Variants in NMNAT1 observed in about 807,000 individuals in gnomAD.
The protein encoded by NMNAT1 is nicotinamide nucleotide adenylyltransferase 1.
NMNAT1 carries 11 observed loss-of-function variants against 16.7 expected under a neutral mutation model. The ratio of observed to expected loss-of-function variants is 0.66; its 90% CI spans 0.41 to 1.09. The LOEUF is 1.09. Among genes scored for constraint, NMNAT1 ranks in the 50% least tolerant of loss-of-function variants. NMNAT1 has a pLI of 0.00. For synonymous variants in NMNAT1, 110 were observed against 119.8 expected, an observed-to-expected ratio of 0.92 and a Z score of 0.53; for missense variants, 280 against 332.3, an observed-to-expected ratio of 0.84 and a Z score of 1.22.
rs1641969530 is a variant in NMNAT1 at position 9,982,454 on chromosome 1, A to G, written c.593A>G (p.Tyr198Cys). The G allele has an allele frequency of 6.2e-7, 1 of 1,614,180 alleles. No homozygotes were observed. Among genetic ancestry groups the G allele is most frequent in the African/African-American group, 1.3e-5 (1 of 75,066 alleles). The change falls in exon 5 of 5, where the codon TAT (tyrosine) becomes TGT (cysteine). Residue 198 changes from tyrosine to cysteine, a missense_variant. Transcript: ENST00000377205. Reference protein sequence around the residue: ...RAGNDAQKFIYESDVLWKHRS... With the variant: ...RAGNDAQKFICESDVLWKHRS... ...GGAAATGATGCTCAGAAGTTTATCTATGAATCGGATGTGCTGTGGAAACAC... is the reference window on the plus strand; with the variant it reads ...GGAAATGATGCTCAGAAGTTTATCTGTGAATCGGATGTGCTGTGGAAACAC...
intron 2 of NMNAT1, 62 bp downstream of exon 2, chr1:9,972,250 C>A: frequency 1.2e-6 from 1 of 822,498 alleles, no homozygotes; most frequent in Non-Finnish European, 2.1e-6. Context: ...GTGGCTCACA[C>A]CTGCAATCCC....
At chr1:9,990,829 C>A in the NMNAT1 span, among the ~76,000 whole-genome samples, 1 of 152,116 alleles carries the variant, frequency 6.6e-6, no homozygotes, top group African/African-American at 2.4e-5. Flanking sequence ...TTTACTTTGC[C>A]AGCACCAAAC....
At chr1:9,965,165 A>AAAAT (rs1195889345) in intron 1 of NMNAT1, among the ~76,000 whole-genome samples, 1 of 150,082 alleles carries the variant, frequency 6.7e-6, no homozygotes, top group African/African-American at 2.4e-5. Context: ...AAAAATACAA[A>AAAAT]AATTAGCTGG....
intron 3 of NMNAT1, among the ~76,000 whole-genome samples, chr1:9,980,493 C>T (rs964024288): frequency 4.0e-5 from 6 of 150,676 alleles, no homozygotes; most frequent in African/African-American, 1.2e-4. Context: ...CGTGGTGGTG[C>T]GCCCCTGTAA....
At position 9,958,753 on chromosome 1, in the gene NMNAT1, T is replaced by C. The variant is rs571698338; in HGVS notation, c.-56-13265T>C. Among the ~76,000 whole-genome samples the C allele has an allele frequency of 2.3e-4, 35 of 152,228 alleles. 1 individual carries two copies. The highest frequency in any genetic ancestry group is 1.1e-3 in the Admixed American group (17 of 15,248). ...GCTCCCAGCCTGTTGATACTGATCT[T>C]TAGGGAATCTTTAGAACCTTGGTTC... On this transcript the variant is annotated intron_variant, in intron 1 of 4. Transcript: ENST00000377205.
intron 1 of NMNAT1, among the ~76,000 whole-genome samples, chr1:9,948,416 A>C (rs1349982916): frequency 6.6e-6 from 1 of 152,076 alleles, no homozygotes; most frequent in Non-Finnish European, 1.5e-5. Context: ...CTCTACAAAA[A>C]AATACAAAAG....
chr1:9,985,360 G>A lies in NMNAT1; in HGVS notation c.*2659G>A, dbSNP rs1349529524. On this transcript the variant is annotated 3_prime_UTR_variant, in exon 5 of 5. Coordinates refer to ENST00000377205, the MANE Select transcript of NMNAT1 (RefSeq NM_022787.4). ...CTGGTATAAATGGTGAGCTGAGCTT[G>A]AATCTAAGCTTTGTCTTCAGAGCCA... 2 of 152,178 alleles carry A rather than the reference G, an allele frequency of 1.3e-5. No homozygotes were observed. The highest frequency in any genetic ancestry group is 6.6e-5 in the Admixed American group (1 of 15,262). 9.4% of individuals were successfully genotyped at this position (152,178 alleles called of 1,614,324 possible). A position where few individuals can be genotyped will look rare whatever the true frequency, so the allele number is the denominator to read the frequency against.
intron 1 of NMNAT1, among the ~76,000 whole-genome samples, chr1:9,962,677 G>GTTT (rs34747915): frequency 0.015 from 1,142 of 74,156 alleles, 34 homozygotes; most frequent in Non-Finnish European, 0.018. Flanking sequence ...CCAAATAAGG[G>GTTT]TTTTTTTTTT....
intron 1 of NMNAT1, among the ~76,000 whole-genome samples, chr1:9,956,972 C>T (rs2101656378): frequency 6.6e-6 from 1 of 151,872 alleles, no homozygotes; most frequent in Non-Finnish European, 1.5e-5. Context: ...TCTTGTGATC[C>T]ACCCGCCTCG....
At position 9,953,797 on chromosome 1, in the gene NMNAT1, C is replaced by CTT. The variant is rs34585788; in HGVS notation, c.-57+10307_-57+10308dup. 4.5e-4 allele frequency among the ~76,000 whole-genome samples: 27 copies of CTT among 60,192 alleles called. 1 individual carries two copies. The highest frequency in any genetic ancestry group is 1.0e-3 in the African/African-American group (20 of 19,352). The allele number at this position is 60,192 out of a possible 152,430, so 39.5% of individuals were successfully genotyped here. On this transcript the variant is annotated intron_variant, in intron 1 of 4. Transcript: ENST00000377205. Reference sequence around the variant, plus strand: ...GTTTTTGCTGAAATCATATATCACTCTTTTTTTTTTTTTTTTTTTTTTTTT... The same window carrying CTT: ...GTTTTTGCTGAAATCATATATCACTCTTTTTTTTTTTTTTTTTTTTTTTTTTT...
chr1:9,990,279 G>A (rs1304800962), downstream of NMNAT1, among the ~76,000 whole-genome samples: 1 of 152,156 alleles, frequency 6.6e-6, no homozygotes, highest in African/African-American at 2.4e-5. Flanking sequence ...GGGGACCCGG[G>A]TTCTTTCCAT....
At chr1:9,942,926 T>G (rs540393210), upstream of NMNAT1, 1 of 354,640 alleles carries the variant, frequency 2.8e-6, no homozygotes, top group Non-Finnish European at 5.6e-6. Flanking sequence ...ACCGCAGCCT[T>G]TCTGAGTTTC....
At chr1:9,958,933 T>C (rs1641334308) in intron 1 of NMNAT1, among the ~76,000 whole-genome samples, 1 of 152,236 alleles carries the variant, frequency 6.6e-6, no homozygotes, top group African/African-American at 2.4e-5. Flanking sequence ...GTTCTCCATT[T>C]TTTTAAATGA....
intron 3 of NMNAT1, among the ~76,000 whole-genome samples, chr1:9,980,515 C>T (rs1386804257): frequency 2.7e-5 from 4 of 150,660 alleles, no homozygotes; most frequent in Non-Finnish European, 5.9e-5. Flanking sequence ...CCCAGCTGCT[C>T]GGGAGGCTGA....
At chr1:9,963,651 C>T (rs1411009751) in intron 1 of NMNAT1, among the ~76,000 whole-genome samples, 1 of 152,060 alleles carries the variant, frequency 6.6e-6, no homozygotes, top group Non-Finnish European at 1.5e-5. Context: ...TCGTGATCCG[C>T]CCACCTCAGC....
At position 9,951,459 on chromosome 1, in the gene NMNAT1, T is replaced by G. The variant is rs1051394034; in HGVS notation, c.-57+7944T>G. ...AAACCCAATCCAACAGCTTCAGTTTTTTTTTGTTGTTGTTGTTGTTGTTTG... is the reference window on the plus strand; with the variant it reads ...AAACCCAATCCAACAGCTTCAGTTTGTTTTTGTTGTTGTTGTTGTTGTTTG... On this transcript the variant is annotated intron_variant, in intron 1 of 4. Transcript: ENST00000377205. Among the ~76,000 whole-genome samples the G allele has an allele frequency of 9.7e-5, 12 of 124,274 alleles. No individual in the cohort carries two copies. The Admixed American group carries it at 9.9e-4, about 10-fold the overall frequency. 81.5% of individuals were successfully genotyped at this position (124,274 alleles called of 152,430 possible).
chr1:9,946,523 T>C (rs2101632333), intron 1 of NMNAT1, among the ~76,000 whole-genome samples: 1 of 152,276 alleles, frequency 6.6e-6, no homozygotes, highest in South Asian at 2.1e-4. Flanking sequence ...CTGGGACAGA[T>C]GAAACTTGAG....
At chr1:9,957,960 G>A (rs1641305075) in intron 1 of NMNAT1, among the ~76,000 whole-genome samples, 2 of 152,136 alleles carry the variant, frequency 1.3e-5, no homozygotes, top group South Asian at 4.1e-4. Context: ...TGGTCTCCAG[G>A]GAATCTGTAA....
rs112046009 is a variant in NMNAT1 at position 9,981,393 on chromosome 1, C to A, written c.439+223C>A. ...GGGACTACAGGTGCCTGCCACCACGCCTGTCTAATTTGTTTGTATTTTTAG... is the reference window on the plus strand; with the variant it reads ...GGGACTACAGGTGCCTGCCACCACGACTGTCTAATTTGTTTGTATTTTTAG... On this transcript the variant is annotated intron_variant, in intron 4 of 4. Coordinates refer to ENST00000377205, the MANE Select transcript of NMNAT1 (RefSeq NM_022787.4). 2.8e-3 allele frequency: 1,399 copies of A among 491,980 alleles called. 18 individuals carry two copies. The highest frequency in any genetic ancestry group is 0.026 in the African/African-American group (1,310 of 50,236). The allele number at this position is 491,980 out of a possible 1,614,324, so 30.5% of individuals were successfully genotyped here.
Sources: gnomAD v4.1 joint callset for allele counts (sites outside exome capture counted in the v4.1 genomes callset) on GRCh38, gnomAD v4.1.1 for gene constraint, MANE v1.5 for transcripts, NCBI Gene and HGNC (gene_info 2026-07-23, HGNC 2026-07-21) for gene names.